The following GRID1 variants were observed in gnomAD, a reference collection of about 807,000 sequenced individuals.
GRID1 encodes glutamate receptor ionotropic, delta-1.
GRID1 carries 28 observed loss-of-function variants against 98.0 expected under a neutral mutation model. The ratio of observed to expected loss-of-function variants is 0.29; its 90% CI spans 0.21 to 0.39. The LOEUF (loss-of-function observed/expected upper bound fraction) is 0.39, where lower values mean the gene tolerates loss of function less well. Ranked by LOEUF, GRID1 falls within the 10% of genes least tolerant of loss-of-function variation. The pLI is 1.00. For synonymous variants in GRID1, 553 were observed against 538.5 expected, an observed-to-expected ratio of 1.03 and a Z score of -0.37; for missense variants, 1,111 against 1,340.5, an observed-to-expected ratio of 0.83 and a Z score of 2.67.
At chr10:86,047,589 T>C (rs1162126444) in intron 4 of GRID1, among the ~76,000 whole-genome samples, 3 of 152,118 alleles carry the variant, frequency 2.0e-5, no homozygotes, top group Non-Finnish European at 2.9e-5. Flanking sequence ...TTCAAATTGT[T>C]ATGAAGTAAA....
Position 86,033,379 on chromosome 10 carries a change from T to C in GRID1, c.726+105440A>G, listed in dbSNP as rs116924976. On this transcript the variant is annotated intron_variant, in intron 4 of 15. Coordinates refer to ENST00000327946, the MANE Select transcript of GRID1 (RefSeq NM_017551.3). ...AGAGAGGAGCTAGAACAGCTGGTCA[T>C]GGAAGCCCATGAGGATGAATGATGC... Among the ~76,000 whole-genome samples, 1,070 of 152,282 alleles carry C rather than the reference T, an allele frequency of 7.0e-3. 31 individuals carry two copies. The highest frequency in any genetic ancestry group is 0.049 in the Admixed American group (745 of 15,286).
rs748012682 is a variant in GRID1, at chr10:85,854,614, C to A, written c.1115G>T (p.Gly372Val). The change falls in exon 8 of 16, where the codon GGC becomes GTC. Residue 372 changes from glycine to valine, a missense_variant and splice_region_variant. By Grantham distance (109) the Gly-to-Val change is moderately radical. Around this residue, in one of 3 missense-constraint regions of GRID1, gnomAD observed 762 missense variants for 869.1 expected, o/e 0.88. Transcript: ENST00000327946. ...GRSMLDTIKK[G>V]HITGLTGVME... ...CACCCCAGTGAGGCCAGTGATGTGG[C>A]CCTGCAGAAGAGGAGAAAAACCCAT... The A allele has an allele frequency of 8.1e-6, 13 of 1,613,872 alleles. No individual in the cohort carries two copies. The highest frequency in any genetic ancestry group is 1.0e-5 in the Non-Finnish European group (12 of 1,179,920).
chr10:85,959,165 C>T (rs183735922), intron 4 of GRID1, among the ~76,000 whole-genome samples: 40 of 152,192 alleles, frequency 2.6e-4, no homozygotes, highest in African/African-American at 9.4e-4. Flanking sequence ...ATTTGTCAGC[C>T]TCCAAAAGTG....
At chr10:86,152,507 G>A (rs545092502) in intron 3 of GRID1, among the ~76,000 whole-genome samples, 1 of 152,370 alleles carries the variant, frequency 6.6e-6, no homozygotes, top group African/African-American at 2.4e-5. Flanking sequence ...CCCCATAGCT[G>A]GAGCAGATGC....
intron 8 of GRID1, among the ~76,000 whole-genome samples, chr10:85,825,454 C>T (rs1371029589): frequency 2.6e-5 from 4 of 151,800 alleles, no homozygotes; most frequent in Non-Finnish European, 4.4e-5. Context: ...TCAGATGCAT[C>T]ATTTGCAAAT....
At chr10:85,829,849 C>A (rs888782469) in intron 8 of GRID1, among the ~76,000 whole-genome samples, 1 of 152,092 alleles carries the variant, frequency 6.6e-6, no homozygotes, top group African/African-American at 2.4e-5. Context: ...TAGGAAGAAT[C>A]AATATTGTTA....
Position 86,023,552 on chromosome 10 carries a change from C to G in GRID1, c.727-107313G>C, listed in dbSNP as rs375635839. Among the ~76,000 whole-genome samples the G allele has an allele frequency of 5.3e-5, 8 of 152,232 alleles. No homozygotes were observed. In the East Asian group the frequency reaches 9.7e-4, roughly 18 times the overall value. ...GCTTCTCCAGGTCCCTGTCCAGACCCCTCTCTTGAACACCATTTCTTTATT... is the reference window on the plus strand; with the variant it reads ...GCTTCTCCAGGTCCCTGTCCAGACCGCTCTCTTGAACACCATTTCTTTATT... On this transcript the variant is annotated intron_variant, in intron 4 of 15. Transcript: ENST00000327946.
At chr10:85,992,945 C>A (rs900688432) in intron 4 of GRID1, among the ~76,000 whole-genome samples, 2 of 151,988 alleles carry the variant, frequency 1.3e-5, no homozygotes, top group African/African-American at 4.8e-5. Context: ...CCAAGTGGGA[C>A]CCTGTCTCTA....
At position 85,772,423 on chromosome 10, in the gene GRID1, A is replaced by G. The variant is rs1351146158; in HGVS notation, c.1234-42809T>C. Among the ~76,000 whole-genome samples, 3 of 150,680 alleles carry G rather than the reference A, an allele frequency of 2.0e-5. 1 individual carries two copies. Among genetic ancestry groups the G allele is most frequent in the Admixed American group, 6.7e-5 (1 of 15,028 alleles). ...TCACAATTAAAAGAACTAGAAAAGC[A>G]AGAGCAAACACATTCAAAAGCTAGC... On this transcript the variant is annotated intron_variant, in intron 8 of 15. Transcript: ENST00000327946.
At chr10:85,706,827 T>G (rs1387521307) in intron 12 of GRID1, among the ~76,000 whole-genome samples, 1 of 152,204 alleles carries the variant, frequency 6.6e-6, no homozygotes, top group Non-Finnish European at 1.5e-5. Context: ...AACTGTCTGA[T>G]CTTTGACAAA....
At chr10:85,694,550 G>GTATATATATATATATA (rs56344083) in intron 12 of GRID1, among the ~76,000 whole-genome samples, 1 of 92,794 alleles carries the variant, frequency 1.1e-5, no homozygotes, top group Admixed American at 1.3e-4. Flanking sequence ...AATGTGGTGT[G>GTATATATATATATATA]TATATATATA....
At chr10:85,963,158 T>C (rs532269862) in intron 4 of GRID1, among the ~76,000 whole-genome samples, 3 of 152,236 alleles carry the variant, frequency 2.0e-5, no homozygotes, top group African/African-American at 7.2e-5. Context: ...CAGTTGAAAC[T>C]TAGAAGGCTC....
chr10:86,051,656 T>A (rs1259337676), intron 4 of GRID1, among the ~76,000 whole-genome samples: 1 of 151,942 alleles, frequency 6.6e-6, no homozygotes, highest in Non-Finnish European at 1.5e-5. Flanking sequence ...TCGCAGAAAA[T>A]GAAATACAAA....
At chr10:85,830,903 C>T (rs1388664139) in intron 8 of GRID1, among the ~76,000 whole-genome samples, 1 of 152,010 alleles carries the variant, frequency 6.6e-6, no homozygotes, top group Non-Finnish European at 1.5e-5. Context: ...AGTAGTGTGG[C>T]GACTTCTCAA....
chr10:86,315,640 T>C (rs1326132886), intron 2 of GRID1, among the ~76,000 whole-genome samples: 1 of 151,958 alleles, frequency 6.6e-6, no homozygotes, highest in Non-Finnish European at 1.5e-5. Context: ...CTGTGACCCA[T>C]CCATGCACTC....
chr10:86,107,634 C>A (rs1359399314), intron 4 of GRID1, among the ~76,000 whole-genome samples: 1 of 152,214 alleles, frequency 6.6e-6, no homozygotes, highest in Non-Finnish European at 1.5e-5. Flanking sequence ...CCCTGGCCTG[C>A]CATGCCCCTA....
intron 3 of GRID1, among the ~76,000 whole-genome samples, chr10:86,197,451 A>T (rs184300418): frequency 1.6e-3 from 242 of 152,214 alleles, no homozygotes; most frequent in African/African-American, 5.1e-3. Context: ...CCTTCCTGGA[A>T]TTCTAGTATT....
chr10:86,341,605 C>T (rs1396343307), intron 2 of GRID1, among the ~76,000 whole-genome samples: 1 of 152,102 alleles, frequency 6.6e-6, no homozygotes, highest in Non-Finnish European at 1.5e-5. Flanking sequence ...AAATAACAGA[C>T]ACACTGAGAG....
chr10:85,682,775 G>A (rs1484440144), intron 12 of GRID1, among the ~76,000 whole-genome samples: 2 of 152,198 alleles, frequency 1.3e-5, no homozygotes, highest in Admixed American at 1.3e-4. Context: ...ACAGCCTTGG[G>A]CAGATTGAGT....
Sources: gnomAD v4.1 joint callset for allele counts (sites outside exome capture counted in the v4.1 genomes callset) on GRCh38, gnomAD v4.1.1 for gene constraint, gnomAD v4.1.1 regional missense constraint, MANE v1.5 for transcripts, NCBI Gene and HGNC (gene_info 2026-07-23, HGNC 2026-07-21) for gene names.